Variants in SPICE1 observed in about 807,000 individuals in gnomAD.
SPICE1 encodes spindle and centriole-associated protein 1.
SPICE1 carries 75 observed loss-of-function variants against 102.7 expected under a neutral mutation model. The ratio of observed to expected loss-of-function variants is 0.73; its 90% confidence interval spans 0.61 to 0.88. SPICE1 has a LOEUF of 0.88. Among genes scored for constraint, SPICE1 ranks in the 40% least tolerant of loss-of-function variants. SPICE1 has a pLI of 0.00. For missense variants in SPICE1, 979 were observed against 1,020.1 expected, an observed-to-expected ratio of 0.96 and a Z score of 0.55; for synonymous variants, 308 against 350.3, an observed-to-expected ratio of 0.88 and a Z score of 1.35.
intron 4 of SPICE1, among the ~76,000 whole-genome samples, chr3:113,494,929 TAG>T (rs1936849026): frequency 6.6e-6 from 1 of 152,206 alleles, no homozygotes; most frequent in Non-Finnish European, 1.5e-5. Flanking sequence ...TTTCAACCAC[TAG>T]AGTGAATTCA....
Position 113,457,196 on chromosome 3 carries a change from C to A in SPICE1, c.1597G>T (p.Ala533Ser). The part of the protein sequence containing the change: ...KNFPAHIFEP[A>S]VLLTPPRQKS... Reference sequence around the variant, plus strand: ...TGCCTGGGTGGTGTTAACAACACAGCTGGCTCAAAAATATGTGCTGGAAAA... The same window carrying A: ...TGCCTGGGTGGTGTTAACAACACAGATGGCTCAAAAATATGTGCTGGAAAA... Residue 533 changes from alanine (A) to serine (S), a missense_variant, in exon 13 of 18, where the codon GCT becomes TCT. Physicochemically the swap from Ala to Ser is moderately conservative, Grantham distance 99. Transcript: ENST00000295872. 1 of 1,614,166 alleles carries A rather than the reference C, an allele frequency of 6.2e-7. No individual in the cohort carries two copies. The highest frequency in any genetic ancestry group is 8.5e-7 in the Non-Finnish European group (1 of 1,180,038).
intron 11 of SPICE1, among the ~76,000 whole-genome samples, chr3:113,463,237 A>G (rs1935974770): frequency 6.6e-6 from 1 of 152,208 alleles, no homozygotes; most frequent in Non-Finnish European, 1.5e-5. Context: ...ACATATCACC[A>G]TCTAACTTAC....
Position 113,468,304 on chromosome 3 carries a change from G to T in SPICE1, c.990C>A (p.Asn330Lys). ...GTATCATGTGTTTGAGGACATCCAG[G>T]TTGGAATTAGTCCTATTTGGTAAGT... ...SADLPNRTNS[N>K]LDVLKHMIHE... is the part of the protein sequence containing the mutation. Residue 330 changes from asparagine (N) to lysine (K), a missense_variant, in exon 10 of 18, where the codon AAC becomes AAA. Transcript: ENST00000295872. 6.2e-7 allele frequency: 1 copy of T among 1,614,124 alleles called. No homozygotes were observed. Among genetic ancestry groups the T allele is most frequent in the Non-Finnish European group, 8.5e-7 (1 of 1,180,026 alleles).
rs976663916 is a variant in SPICE1 at position 113,506,571 on chromosome 3, C to T, written c.35G>A (p.Arg12Gln). The change falls in exon 2 of 18, where the codon CGA (arginine) becomes CAA (glutamine). Residue 12 changes from arginine to glutamine, a missense_variant. Transcript: ENST00000295872. ...SFVRVNRCGP[R>Q]VGVRKTPKVK... ...TTTCGGTGTCTTTCTTACACCAACT[C>T]GGGGACCACAGCGGTTCACTCTGAC... The T allele has an allele frequency of 9.3e-6, 15 of 1,613,294 alleles. No individual in the cohort carries two copies. The highest frequency in any genetic ancestry group is 1.6e-4 in the Middle Eastern group (1 of 6,062).
chr3:113,508,447 A>T (rs1937155509), intron 1 of SPICE1, among the ~76,000 whole-genome samples: 1 of 152,190 alleles, frequency 6.6e-6, no homozygotes, highest in Non-Finnish European at 1.5e-5. Flanking sequence ...CCGATTTAAA[A>T]ATGGGCATAG....
At chr3:113,451,140 T>C (rs138415242) in intron 14 of SPICE1, among the ~76,000 whole-genome samples, 89 of 152,296 alleles carry the variant, frequency 5.8e-4, no homozygotes, top group East Asian at 3.9e-3. Context: ...AGGCTTCAAA[T>C]ATGCACCATT....
intron 14 of SPICE1, 45 bp downstream of exon 14, chr3:113,453,421 T>C: frequency 6.5e-7 from 1 of 1,528,116 alleles, no homozygotes; most frequent in African/African-American, 1.4e-5. Context: ...AAAGTTCCTA[T>C]TTAAATTCCT....
chr3:113,456,674 CAACT>C (rs990187513), intron 13 of SPICE1, among the ~76,000 whole-genome samples: 2 of 152,310 alleles, frequency 1.3e-5, no homozygotes, highest in Middle Eastern at 3.4e-3. Flanking sequence ...AAAATTGCCT[CAACT>C]AACTGAGCTG....
chr3:113,510,663 C>T (rs1043050873), intron 1 of SPICE1, among the ~76,000 whole-genome samples: 8 of 152,044 alleles, frequency 5.3e-5, no homozygotes, highest in African/African-American at 1.4e-4. Context: ...CTATAAAAAC[C>T]CTAGAAGAAA....
At position 113,468,383 on chromosome 3, in the gene SPICE1, T is replaced by C. The variant is rs573022246; in HGVS notation, c.911A>G (p.His304Arg). ...LNKVKRKPNL[H>R]ALSKPKKNIS... The stretch of plus-strand genomic sequence containing the variant: ...GTTTTTCTTCGGCTTGGAAAGAGCA[T>C]GCAAATTCGGTTTCCTTTTCACTGA... Residue 304 changes from histidine (H) to arginine (R), a missense_variant, in exon 10 of 18, where the codon CAT becomes CGT. Physicochemically the swap from His to Arg is conservative, Grantham distance 29 (BLOSUM62 0). Coordinates refer to ENST00000295872, the MANE Select transcript of SPICE1 (RefSeq NM_144718.4). 1.9e-6 allele frequency: 3 copies of C among 1,613,548 alleles called. No homozygotes were observed. In the South Asian group the frequency reaches 3.3e-5, roughly 18 times the overall value.
At chr3:113,494,215 T>C in intron 4 of SPICE1, 73 bp from the exon 5 acceptor site, 1 of 1,033,804 alleles carries the variant, frequency 9.7e-7, no homozygotes, top group Non-Finnish European at 1.4e-6. Context: ...GAAAAGACCA[T>C]AAAAAGGCCT....
At chr3:113,494,722 T>C (rs1936843709) in intron 4 of SPICE1, among the ~76,000 whole-genome samples, 1 of 152,084 alleles carries the variant, frequency 6.6e-6, no homozygotes, top group Non-Finnish European at 1.5e-5. Flanking sequence ...AAAGTTTTAA[T>C]TAAATAAAAA....
At chr3:113,475,073 T>C (rs1285024729) in intron 7 of SPICE1, among the ~76,000 whole-genome samples, 1 of 151,948 alleles carries the variant, frequency 6.6e-6, no homozygotes, top group Non-Finnish European at 1.5e-5. Context: ...AAGAATCAAA[T>C]AGATGCAATA....
At chr3:113,456,460 G>A (rs115244848) in intron 13 of SPICE1, among the ~76,000 whole-genome samples, 1,575 of 152,104 alleles carry the variant, frequency 0.01, 26 homozygotes, top group African/African-American at 0.035. Context: ...AATAGCTCCA[G>A]AAAAAATGTA....
In SPICE1 at chr3:113,493,035, T is replaced by C. The variant is rs144029674; in HGVS notation, c.492+171A>G. ...AAATTTTAGCTATTATTATCCAGTCTTGTTTGATACAAACATTACTCACAG... is the reference window on the plus strand; with the variant it reads ...AAATTTTAGCTATTATTATCCAGTCCTGTTTGATACAAACATTACTCACAG... On this transcript the variant is annotated intron_variant, in intron 6 of 17. Transcript: ENST00000295872. 7.1e-4 allele frequency among the ~76,000 whole-genome samples: 108 copies of C among 152,368 alleles called. 1 individual carries two copies. In the Middle Eastern group the frequency reaches 0.02, roughly 29 times the overall value.
At chr3:113,468,522 A>G in intron 9 of SPICE1, 118 bp from the exon 10 acceptor site, 1 of 1,231,442 alleles carries the variant, frequency 8.1e-7, no homozygotes, top group South Asian at 1.5e-5. Context: ...AGACGATATC[A>G]CCATTTCTCT....
intron 7 of SPICE1, among the ~76,000 whole-genome samples, chr3:113,471,131 T>A (rs958453809): frequency 6.6e-6 from 1 of 151,398 alleles, no homozygotes; most frequent in African/African-American, 2.4e-5. Flanking sequence ...GGAAGGACCA[T>A]GGTAGGCTAA....
chr3:113,473,542 T>C (rs1936260162), intron 7 of SPICE1, among the ~76,000 whole-genome samples: 1 of 151,834 alleles, frequency 6.6e-6, no homozygotes. Flanking sequence ...GAGAGAAAGG[T>C]CGGGTTACTG....
At chr3:113,473,626 A>G (rs1413445825) in intron 7 of SPICE1, among the ~76,000 whole-genome samples, 1 of 152,156 alleles carries the variant, frequency 6.6e-6, no homozygotes, top group Non-Finnish European at 1.5e-5. Context: ...AGTGGGGGCC[A>G]ATATTCAACA....
Sources: gnomAD v4.1 joint callset for allele counts (sites outside exome capture counted in the v4.1 genomes callset) on GRCh38, gnomAD v4.1.1 for gene constraint, MANE v1.5 for transcripts, NCBI Gene and HGNC (gene_info 2026-07-23, HGNC 2026-07-21) for gene names.